PCDHGA9: variants seen among roughly 807,000 people sequenced by gnomAD.
PCDHGA9 encodes protocadherin gamma subfamily A, 9, also known as protocadherin gamma-A9.
A neutral mutation model predicts 62.5 loss-of-function variants in PCDHGA9; 37 were observed. That is an observed-to-expected ratio of 0.59 (90% CI 0.46 to 0.78). The LOEUF (loss-of-function observed/expected upper bound fraction) is 0.78, where lower values mean the gene tolerates loss of function less well. PCDHGA9 is among the 30% of genes least tolerant of loss of function. The probability of loss-of-function intolerance (pLI) is 0.00; values close to 1 mark genes in which losing one functional copy is unlikely to be tolerated. For synonymous variants in PCDHGA9, 459 were observed against 484.6 expected (o/e 0.95, Z 0.69); for missense variants, 1,138 against 1,166.2 (o/e 0.98, Z 0.35).
Position 141,404,841 on chromosome 5 carries a change from G to A in PCDHGA9, c.1889G>A (p.Arg630Gln), listed in dbSNP as rs765291212. ...GLHTGEVRTA[R>Q]ALLDRDALKQ... is the part of the protein sequence containing the mutation. The stretch of plus-strand genomic sequence containing the variant: ...CACACAGGTGAAGTGCGCACAGCTC[G>A]GGCCCTGCTAGATAGAGATGCGCTC... The change falls in exon 1 of 4, where the codon CGG becomes CAG. Residue 630 changes from arginine to glutamine, a missense_variant. Physicochemically the swap from Arg to Gln is conservative, Grantham distance 43. Coordinates refer to ENST00000573521, the MANE Select transcript of PCDHGA9 (RefSeq NM_018921.3). 1.1e-5 allele frequency: 17 copies of A among 1,613,886 alleles called. No individual in the cohort carries two copies. Among genetic ancestry groups the A allele is most frequent in the Non-Finnish European group, 1.4e-5 (16 of 1,179,920 alleles).
chr5:141,476,264 G>T lies in PCDHGA9; in HGVS notation c.2425-18543G>T, dbSNP rs753184649. On this transcript the variant is annotated intron_variant, in intron 1 of 3. Coordinates refer to ENST00000573521, the MANE Select transcript of PCDHGA9 (RefSeq NM_018921.3). This position sits in a 1 kb window ranked among gnomAD's most constrained non-coding sequence, Gnocchi z 7.6. ...AGAGAAGGGTTTCGCTGTGGGCAAC[G>T]TGGTCGCGAACCTTGGTTTGGATCT... The T allele has an allele frequency of 5.0e-6, 8 of 1,613,964 alleles. No individual in the cohort carries two copies. In the African/African-American group the frequency reaches 8.0e-5, roughly 16 times the overall value.
intron 1 of PCDHGA9, among the ~76,000 whole-genome samples, chr5:141,433,948 T>C (rs1473404279): frequency 2.0e-5 from 3 of 152,234 alleles, no homozygotes; most frequent in Non-Finnish European, 4.4e-5. Context: ...CATTGTTTCT[T>C]CTACAGTTGT....
In PCDHGA9 at chr5:141,403,213, G is replaced by A. The variant is rs1314899957; in HGVS notation, c.261G>A (p.Ala87=). 1 of 1,613,970 alleles carries A rather than the reference G, an allele frequency of 6.2e-7. No individual in the cohort carries two copies. The highest frequency in any genetic ancestry group is 8.5e-7 in the Non-Finnish European group (1 of 1,179,918). The change falls in exon 1 of 4, where the codon GCG becomes GCA. Residue 87 remains alanine (A), a synonymous_variant. Coordinates refer to ENST00000573521, the MANE Select transcript of PCDHGA9 (RefSeq NM_018921.3). ...LNPRSGTLVT[A]GRIDREELCA... The stretch of plus-strand genomic sequence containing the variant: ...CGCGCAGCGGCACCTTGGTCACCGC[G>A]GGTAGGATAGACCGGGAGGAGCTCT...
chr5:141,427,912 A>T (rs1268491054), intron 1 of PCDHGA9: 2 of 1,577,806 alleles, frequency 1.3e-6, no homozygotes, highest in Admixed American at 3.3e-5. Flanking sequence ...CTCAGCGCCA[A>T]CATGAGCCGG....
chr5:141,443,947 T>C (rs2098410978), intron 1 of PCDHGA9, among the ~76,000 whole-genome samples: 1 of 152,082 alleles, frequency 6.6e-6, no homozygotes, highest in Non-Finnish European at 1.5e-5. Flanking sequence ...GGTTTCCTTA[T>C]TGGTATGTAT....
chr5:141,485,687 C>T lies in PCDHGA9; in HGVS notation c.2425-9120C>T. 1 of 1,614,066 alleles carries T rather than the reference C, an allele frequency of 6.2e-7. No individual in the cohort carries two copies. Among genetic ancestry groups the T allele is most frequent in the Non-Finnish European group, 8.5e-7 (1 of 1,179,966 alleles). ...GAGCAATTCGATTAGCAGCTATAGG[C>T]TGAGCTCCAATGAACACTTTGCACT... On this transcript the variant is annotated intron_variant, in intron 1 of 3. Transcript: ENST00000573521. The surrounding 1 kb of genome is among the most constrained non-coding windows in gnomAD (Gnocchi z 5.7).
intron 1 of PCDHGA9, among the ~76,000 whole-genome samples, chr5:141,494,361 G>A (rs1311268562): frequency 6.6e-6 from 1 of 152,184 alleles, no homozygotes; most frequent in African/African-American, 2.4e-5. Flanking sequence ...TGCTGCAGAG[G>A]ATGCTTTGTT....
rs749645155 is a variant in PCDHGA9 at position 141,414,214 on chromosome 5, A to G, written c.2424+8838A>G. On this transcript the variant is annotated intron_variant, in intron 1 of 3. Transcript: ENST00000573521. ...GATTACAGTAGAAGATGTAAATGAC[A>G]ACAGTCCAGAGCTGACCATCACGTC... 6.2e-6 allele frequency: 10 copies of G among 1,613,126 alleles called. No homozygotes were observed. The South Asian group carries it at 9.9e-5, about 16-fold the overall frequency.
chr5:141,427,871 G>A (rs762885351), intron 1 of PCDHGA9: 1 of 1,559,530 alleles, frequency 6.4e-7, no homozygotes, highest in South Asian at 1.1e-5. Flanking sequence ...TCGAGCTCAC[G>A]ATGCAGGCCC....
rs752983401 is a variant in PCDHGA9 at position 141,403,540 on chromosome 5, G to A, written c.588G>A (p.Leu196=). ...DNGAINPELV[L]ERALDREEAT... is the part of the protein sequence containing the mutation. ...GAGCCATAAACCCAGAGCTGGTGCT[G>A]GAGCGCGCCCTGGACAGGGAGGAGG... Residue 196 remains leucine (L), a synonymous_variant, in exon 1 of 4, where the codon CTG becomes CTA. Transcript: ENST00000573521. 2 of 1,613,886 alleles carry A rather than the reference G, an allele frequency of 1.2e-6. No homozygotes were observed. The highest frequency in any genetic ancestry group is 2.7e-5 in the African/African-American group (2 of 74,948).
At chr5:141,480,591 T>G (rs557048485) in intron 1 of PCDHGA9, among the ~76,000 whole-genome samples, 1 of 138,080 alleles carries the variant, frequency 7.2e-6, no homozygotes, top group South Asian at 2.2e-4. Flanking sequence ...GCCGCTCTTC[T>G]GGTCAGCCTG....
At position 141,432,370 on chromosome 5, in the gene PCDHGA9, C is replaced by A. The variant is rs1362496624; in HGVS notation, c.2424+26994C>A. On this transcript the variant is annotated intron_variant, in intron 1 of 3. Transcript: ENST00000573521. The surrounding 1 kb of genome is among the most constrained non-coding windows in gnomAD (Gnocchi z 6.0). Reference sequence around the variant, plus strand: ...AAGTGAAAGTGATGGCGCGGGACAACGGGCACCCGCCCCTCAGCAGCAACG... The same window carrying A: ...AAGTGAAAGTGATGGCGCGGGACAAAGGGCACCCGCCCCTCAGCAGCAACG... The A allele has an allele frequency of 6.2e-7, 1 of 1,614,240 alleles. No homozygotes were observed. The highest frequency in any genetic ancestry group is 8.5e-7 in the Non-Finnish European group (1 of 1,180,048).
intron 1 of PCDHGA9, among the ~76,000 whole-genome samples, chr5:141,461,824 T>C (rs958063237): frequency 1.3e-5 from 2 of 151,968 alleles, no homozygotes; most frequent in African/African-American, 4.8e-5. Flanking sequence ...CAGCTAATTT[T>C]TTTTTCTTTT....
At chr5:141,415,095 C>T (rs1045755927) in intron 1 of PCDHGA9, 1 of 1,613,584 alleles carries the variant, frequency 6.2e-7, no homozygotes, top group Non-Finnish European at 8.5e-7. Context: ...TGGACAGAGA[C>T]GCGCTCAAGC....
Position 141,477,376 on chromosome 5 carries a change from G to A in PCDHGA9, c.2425-17431G>A. The A allele has an allele frequency of 6.2e-7, 1 of 1,614,146 alleles. No homozygotes were observed. Among genetic ancestry groups the A allele is most frequent in the Non-Finnish European group, 8.5e-7 (1 of 1,180,026 alleles). ...GTGCAGACCTGGATCGGGAGACTGT[G>A]CCAGAATACAACCTCAGCATCACCG... On this transcript the variant is annotated intron_variant, in intron 1 of 3. Transcript: ENST00000573521. This position sits in a 1 kb window ranked among gnomAD's most constrained non-coding sequence, Gnocchi z 4.9.
At chr5:141,462,627 A>T (rs1200455153) in intron 1 of PCDHGA9, among the ~76,000 whole-genome samples, 1 of 150,276 alleles carries the variant, frequency 6.7e-6, no homozygotes, top group East Asian at 1.9e-4. Flanking sequence ...TAGAAGTTCC[A>T]TTTGACTCTT....
At chr5:141,463,401 A>T (rs57406832) in intron 1 of PCDHGA9, among the ~76,000 whole-genome samples, 25,027 of 149,108 alleles carry the variant, frequency 0.17, 2,158 homozygotes, top group South Asian at 0.22. Context: ...GGCAAAAAAA[A>T]TGGAGATCCT....
chr5:141,431,698 ATT>A lies in PCDHGA9; in HGVS notation c.2424+26323_2424+26324del. The A allele has an allele frequency of 6.2e-7, 1 of 1,614,222 alleles. No homozygotes were observed. Among genetic ancestry groups the A allele is most frequent in the South Asian group, 1.1e-5 (1 of 91,090 alleles). ...GGGAGTTGGACCACGAGGAGTCAGG[ATT>A]CTACCAGATGGAAGTGCAAGCAATG... On this transcript the variant is annotated intron_variant, in intron 1 of 3. Transcript: ENST00000573521. The surrounding 1 kb of genome is among the most constrained non-coding windows in gnomAD (Gnocchi z 4.8).
At chr5:141,422,849 C>T in intron 1 of PCDHGA9, 1 of 1,614,238 alleles carries the variant, frequency 6.2e-7, no homozygotes, top group Non-Finnish European at 8.5e-7. Context: ...AGCGGGGACC[C>T]GCCCCTCAGC....
Sources: allele counts gnomAD v4.1 joint callset (sites outside exome capture counted in the v4.1 genomes callset), GRCh38; gene constraint gnomAD v4.1.1; non-coding constraint Gnocchi (gnomAD v3.1); transcripts MANE v1.5; gene names NCBI Gene and HGNC (gene_info 2026-07-23, HGNC 2026-07-21).